Variants in AGXT observed in about 807,000 individuals in gnomAD.
The protein encoded by AGXT is L-alanine: glyoxylate aminotransferase 1.
AGXT carries 41 observed loss-of-function variants against 46.9 expected under a neutral mutation model. The observed-to-expected ratio is 0.88, with a 90% CI of 0.68 to 1.14. The LOEUF (loss-of-function observed/expected upper bound fraction) is 1.14. Ranked by LOEUF, AGXT falls within the 50% of genes most tolerant of loss-of-function variation. AGXT has a pLI of 0.00. For missense variants in AGXT, 525 were observed against 522.7 expected (o/e 1.00, Z -0.04); for synonymous variants, 244 against 227.9 (o/e 1.07, Z -0.64).
In AGXT at chr2:240,869,167, C is replaced by T; in HGVS notation, c.166-3C>T. The T allele has an allele frequency of 6.8e-7, 1 of 1,466,380 alleles. No individual in the cohort carries two copies. The highest frequency in any genetic ancestry group is 9.2e-7 in the Non-Finnish European group (1 of 1,084,456). 90.8% of individuals were successfully genotyped at this position (1,466,380 alleles called of 1,614,324 possible). Reference sequence around the variant, plus strand: ...GGTCTCACCCTATACCACCCGCATGCAGATCATGGACGAGATCAAGGAAGG... The same window carrying T: ...GGTCTCACCCTATACCACCCGCATGTAGATCATGGACGAGATCAAGGAAGG... On this transcript the variant is annotated splice_polypyrimidine_tract_variant and splice_region_variant and intron_variant, in intron 1 of 10. Transcript: ENST00000307503.
intron 2 of AGXT, among the ~76,000 whole-genome samples, chr2:240,869,675 C>T (rs1426061100): frequency 1.3e-5 from 2 of 152,116 alleles, no homozygotes; most frequent in African/African-American, 2.4e-5. Context: ...CTGAGAGCCC[C>T]GGCCGCTGTC....
At chr2:240,871,535 C>A in intron 4 of AGXT, 86 bp downstream of exon 4, 2 of 1,283,264 alleles carry the variant, frequency 1.6e-6, no homozygotes, top group Non-Finnish European at 2.2e-6. Flanking sequence ...TCTGGTCCTT[C>A]TGCCCCTGGT....
intron 3 of AGXT, 53 bp from the exon 4 acceptor site, chr2:240,871,296 G>A (rs965407367): frequency 4.7e-6 from 7 of 1,489,460 alleles, no homozygotes; most frequent in Non-Finnish European, 5.5e-6. Flanking sequence ...TTGTGGGGGT[G>A]TTCTGGCCCC....
rs890310872 is a variant in AGXT at position 240,869,199 on chromosome 2, G to A, written c.195G>A (p.Gln65=). 5 of 1,532,026 alleles carry A rather than the reference G, an allele frequency of 3.3e-6. No homozygotes were observed. In the African/African-American group the frequency reaches 4.2e-5, roughly 13 times the overall value. The allele number at this position is 1,532,026 out of a possible 1,614,324, so 94.9% of individuals were successfully genotyped here. Residue 65 remains glutamine (Q), a synonymous_variant, in exon 2 of 11, where the codon CAG becomes CAA. Transcript: ENST00000307503. The stretch of plus-strand genomic sequence containing the variant: ...TGGACGAGATCAAGGAAGGCATCCA[G>A]TACGTGTTCCAGACCAGGAACCCAC... ...QIMDEIKEGI[Q]YVFQTRNPLT...
In AGXT at chr2:240,875,741, A is replaced by AG. The variant is rs144054541; in HGVS notation, c.777-194_777-193insG. The stretch of plus-strand genomic sequence containing the variant: ...ACTGCCTCCTGGCTGGGCCCTACAC[A>AG]AGCCATGCTCTCCCTGGCAGACGAA... On this transcript the variant is annotated intron_variant, in intron 7 of 10. Coordinates refer to ENST00000307503, the MANE Select transcript of AGXT (RefSeq NM_000030.3). Among the ~76,000 whole-genome samples the AG allele has an allele frequency of 7.2e-3, 1,095 of 152,264 alleles. 27 individuals carry two copies. The East Asian group carries it at 0.075, about 10-fold the overall frequency.
chr2:240,873,325 G>T, intron 5 of AGXT: 1 of 469,368 alleles, frequency 2.1e-6, no homozygotes, highest in Non-Finnish European at 3.9e-6. Context: ...CAGAGCTGTA[G>T]CAGAAGCAGT....
intron 10 of AGXT, 25 bp from the exon 11 acceptor site, chr2:240,878,689 C>T (rs768105660): frequency 2.8e-5 from 43 of 1,539,256 alleles, no homozygotes; most frequent in Non-Finnish European, 3.6e-5. Flanking sequence ...GGGAGGCTGA[C>T]GTCAGCCCGC....
chr2:240,868,935 C>G lies in AGXT; in HGVS notation c.70C>G (p.Leu24Val). 1 of 1,613,338 alleles carries G rather than the reference C, an allele frequency of 6.2e-7. No individual in the cohort carries two copies. Among genetic ancestry groups the G allele is most frequent in the Non-Finnish European group, 8.5e-7 (1 of 1,180,022 alleles). Residue 24 changes from leucine (L) to valine (V), a missense_variant, in exon 1 of 11, where the codon CTC becomes GTC. Leu to Val is a conservative substitution (Grantham distance 32). Coordinates refer to ENST00000307503, the MANE Select transcript of AGXT (RefSeq NM_000030.3). ...CAAGCCCCTCTCCATCCCCAACCAG[C>G]TCCTGCTGGGGCCTGGTCCTTCCAA... Reference protein sequence around the residue: ...LLKPLSIPNQLLLGPGPSNLP... With the variant: ...LLKPLSIPNQVLLGPGPSNLP...
intron 5 of AGXT, 23 bp downstream of exon 5, chr2:240,873,072 CT>C: frequency 6.2e-7 from 1 of 1,606,802 alleles, no homozygotes; most frequent in Non-Finnish European, 8.5e-7. Context: ...TCTGAGAGCC[CT>C]ACCCAGCCCA....
At chr2:240,873,661 T>C (rs1375213665) in intron 5 of AGXT, among the ~76,000 whole-genome samples, 1 of 152,042 alleles carries the variant, frequency 6.6e-6, no homozygotes, top group Non-Finnish European at 1.5e-5. Flanking sequence ...ATTTCTGGGC[T>C]GATCCTCAAA....
Position 240,878,839 on chromosome 2 carries a change from A to T in AGXT, c.*18A>T. On this transcript the variant is annotated 3_prime_UTR_variant, in exon 11 of 11. Transcript: ENST00000307503. ...AGCTGTGACCTGCCCACTGGCACAC[A>T]GCTGGCACTGGCACACACCTGTCCC... 6.4e-7 allele frequency: 1 copy of T among 1,567,880 alleles called. No homozygotes were observed. The highest frequency in any genetic ancestry group is 1.2e-5 in the South Asian group (1 of 85,408).
At chr2:240,874,244 C>A (rs970306538) in intron 6 of AGXT, among the ~76,000 whole-genome samples, 182 bp downstream of exon 6, 3 of 152,194 alleles carry the variant, frequency 2.0e-5, no homozygotes, top group African/African-American at 7.2e-5. Flanking sequence ...GTGGGGAGGC[C>A]GGGCGAGGGG....
chr2:240,869,176 G>A lies in AGXT; in HGVS notation c.172G>A (p.Asp58Asn), dbSNP rs774651961. Residue 58 changes from aspartate to asparagine, a missense_variant, in exon 2 of 11, where the codon GAC becomes AAC. By Grantham distance (23) the Asp-to-Asn change is conservative. Coordinates refer to ENST00000307503, the MANE Select transcript of AGXT (RefSeq NM_000030.3). The stretch of plus-strand genomic sequence containing the variant: ...CTATACCACCCGCATGCAGATCATG[G>A]ACGAGATCAAGGAAGGCATCCAGTA... The part of the protein sequence containing the change: ...SMSKDMYQIM[D>N]EIKEGIQYVF... 4 of 1,481,042 alleles carry A rather than the reference G, an allele frequency of 2.7e-6. No homozygotes were observed. The Admixed American group carries it at 7.3e-5, about 27-fold the overall frequency. 91.7% of individuals were successfully genotyped at this position (1,481,042 alleles called of 1,614,324 possible). A position where few individuals can be genotyped will look rare whatever the true frequency, so the allele number is the denominator to read the frequency against.
rs1221140174 is a variant in AGXT at position 240,878,823 on chromosome 2, C to T, written c.*2C>T. ...CACTGCCCCAAGAAGAAGCTGTGAC[C>T]TGCCCACTGGCACACAGCTGGCACT... is the stretch of plus-strand genomic sequence containing the variant. On this transcript the variant is annotated 3_prime_UTR_variant, in exon 11 of 11. Coordinates refer to ENST00000307503, the MANE Select transcript of AGXT (RefSeq NM_000030.3). The T allele has an allele frequency of 6.3e-7, 1 of 1,585,098 alleles. No homozygotes were observed. Among genetic ancestry groups the T allele is most frequent in the East Asian group, 2.3e-5 (1 of 43,920 alleles).
chr2:240,878,210 CA>C (rs2059038958), intron 10 of AGXT, 60 bp downstream of exon 10: 2 of 1,601,672 alleles, frequency 1.2e-6, no homozygotes, highest in Admixed American at 3.3e-5. Context: ...CCTCCTTGAG[CA>C]GGACTGTGCA....
Position 240,873,025 on chromosome 2 carries a change from A to C in AGXT, c.571A>C (p.Thr191Pro), listed in dbSNP as rs1453108359. 6.2e-7 allele frequency: 1 copy of C among 1,612,896 alleles called. No individual in the cohort carries two copies. Among genetic ancestry groups the C allele is most frequent in the Non-Finnish European group, 8.5e-7 (1 of 1,179,736 alleles). Residue 191 changes from threonine to proline, a missense_variant, in exon 5 of 11, where the codon ACC (threonine) becomes CCC (proline). Transcript: ENST00000307503. ...LVDSVASLGG[T>P]PLYMDRQGID... Reference sequence around the variant, plus strand: ...GGATTCGGTGGCATCCCTGGGCGGGACCCCCCTTTACATGGACCGGCAAGG... The same window carrying C: ...GGATTCGGTGGCATCCCTGGGCGGGCCCCCCCTTTACATGGACCGGCAAGG...
rs180177188 is a variant in AGXT at position 240,868,892 on chromosome 2, C to A, written c.27C>A (p.Thr9=). 2.3e-5 allele frequency: 37 copies of A among 1,612,922 alleles called. No homozygotes were observed. The Admixed American group carries it at 5.3e-4, about 23-fold the overall frequency. Residue 9 remains threonine, a synonymous_variant, in exon 1 of 11, where the codon ACC becomes ACA. Coordinates refer to ENST00000307503, the MANE Select transcript of AGXT (RefSeq NM_000030.3). Reference sequence around the variant, plus strand: ...TGGCCTCTCACAAGCTGCTGGTGACCCCCCCCAAGGCCCTGCTCAAGCCCC... The same window carrying A: ...TGGCCTCTCACAAGCTGCTGGTGACACCCCCCAAGGCCCTGCTCAAGCCCC... MASHKLLV[T]PPKALLKPLS... is the part of the protein sequence containing the mutation.
chr2:240,875,259 G>A, intron 7 of AGXT, 55 bp downstream of exon 7: 13 of 1,447,568 alleles, frequency 9.0e-6, no homozygotes, highest in Non-Finnish European at 1.2e-5. Context: ...CTGAGAGGTG[G>A]GGCGCTGGCC....
intron 5 of AGXT, chr2:240,873,586 A>G (rs2059003286): frequency 6.5e-6 from 2 of 309,440 alleles, no homozygotes; most frequent in South Asian, 3.7e-5. Context: ...CACCCACTCC[A>G]TGGGAGCCTG....
Sources: allele counts gnomAD v4.1 joint callset (sites outside exome capture counted in the v4.1 genomes callset), GRCh38; gene constraint gnomAD v4.1.1; transcripts MANE v1.5; gene names NCBI Gene and HGNC (gene_info 2026-07-23, HGNC 2026-07-21).